MCPH1: variants seen among roughly 807,000 people sequenced by gnomAD.
MCPH1 encodes the protein microcephalin 1.
A neutral mutation model predicts 84.5 loss-of-function variants in MCPH1; 104 were observed. The observed-to-expected ratio is 1.23, with a 90% CI of 1.05 to 1.45. The LOEUF (loss-of-function observed/expected upper bound fraction) is 1.45, where lower values mean the gene tolerates loss of function less well. MCPH1 is among the 40% of genes most tolerant of loss of function. MCPH1 has a pLI of 0.00. For missense variants in MCPH1, 1,498 were observed against 1,005.7 expected, an observed-to-expected ratio of 1.49 and a Z score of -6.62; for synonymous variants, 514 against 366.8, an observed-to-expected ratio of 1.40 and a Z score of -4.58.
intron 1 of MCPH1, among the ~76,000 whole-genome samples, chr8:6,408,080 A>G (rs1315892807): frequency 6.6e-6 from 1 of 152,264 alleles, no homozygotes; most frequent in Non-Finnish European, 1.5e-5. Context: ...CTTTACAGAA[A>G]ATAGGTTTCT....
intron 12 of MCPH1, among the ~76,000 whole-genome samples, chr8:6,513,327 T>C (rs140001678): frequency 0.093 from 14,049 of 151,872 alleles, 1,091 homozygotes; most frequent in African/African-American, 0.21. Context: ...TTTTTTCTTT[T>C]TCTTTTTCTT....
At chr8:6,419,172 C>G (rs1270219005) in intron 3 of MCPH1, among the ~76,000 whole-genome samples, 2 of 37,782 alleles carry the variant, frequency 5.3e-5, no homozygotes, top group Non-Finnish European at 2.9e-4. Flanking sequence ...CACACACACA[C>G]ACACACACAC....
intron 12 of MCPH1, among the ~76,000 whole-genome samples, chr8:6,516,377 T>G (rs1816274346): frequency 6.6e-6 from 1 of 152,212 alleles, no homozygotes; most frequent in South Asian, 2.1e-4. Flanking sequence ...AGTTCGATTT[T>G]GATCAGTTAC....
intron 11 of MCPH1, among the ~76,000 whole-genome samples, chr8:6,496,348 G>A (rs542053228): frequency 1.3e-5 from 2 of 152,176 alleles, no homozygotes; most frequent in East Asian, 1.9e-4. Flanking sequence ...AAAGCAATGG[G>A]AAGTGGCTGT....
Position 6,615,392 on chromosome 8 carries a change from T to C in MCPH1, c.2215-6062T>C, listed in dbSNP as rs1163137196. ...ATTTTTGCATCCTCAGAACTTAGCCTGATACTCACAATGAAATGAGTTCAC... is the reference window on the plus strand; with the variant it reads ...ATTTTTGCATCCTCAGAACTTAGCCCGATACTCACAATGAAATGAGTTCAC... On this transcript the variant is annotated intron_variant, in intron 12 of 13. Transcript: ENST00000344683. Among the ~76,000 whole-genome samples the C allele has an allele frequency of 2.6e-5, 4 of 152,230 alleles. No homozygotes were observed. The East Asian group carries it at 7.7e-4, about 29-fold the overall frequency.
intron 12 of MCPH1, among the ~76,000 whole-genome samples, chr8:6,565,786 A>G (rs1370321282): frequency 3.3e-5 from 5 of 152,240 alleles, no homozygotes; most frequent in Non-Finnish European, 5.9e-5. Flanking sequence ...ATGTGGTAAG[A>G]GAGAGCAGTC....
chr8:6,640,640 G>A (rs1797882606), intron 13 of MCPH1, among the ~76,000 whole-genome samples: 1 of 152,040 alleles, frequency 6.6e-6, no homozygotes, highest in Admixed American at 6.5e-5. Context: ...CTGTGCTTAT[G>A]GTGTCTTAAG....
chr8:6,605,058 T>C (rs1829652694), intron 12 of MCPH1, among the ~76,000 whole-genome samples: 1 of 151,940 alleles, frequency 6.6e-6, no homozygotes, highest in South Asian at 2.1e-4. Context: ...GGACCCTATG[T>C]CCCTCCTTGT....
intron 12 of MCPH1, among the ~76,000 whole-genome samples, chr8:6,546,043 G>T (rs60625360): frequency 0.029 from 4,433 of 152,260 alleles, 244 homozygotes; most frequent in African/African-American, 0.1. Context: ...AAACACACCC[G>T]GTGTGAGTCC....
chr8:6,599,207 A>G (rs1451464776), intron 12 of MCPH1, among the ~76,000 whole-genome samples: 1 of 152,168 alleles, frequency 6.6e-6, no homozygotes, highest in Non-Finnish European at 1.5e-5. Flanking sequence ...GATTACCTAA[A>G]AGGAATGCCT....
intron 12 of MCPH1, among the ~76,000 whole-genome samples, chr8:6,594,402 A>T (rs1336686350): frequency 6.6e-6 from 1 of 152,166 alleles, no homozygotes; most frequent in Non-Finnish European, 1.5e-5. Context: ...TAGGACACAG[A>T]GGGCTTCCAC....
At chr8:6,431,651 C>G in intron 4 of MCPH1, 65 bp downstream of exon 4, 2 of 1,120,216 alleles carry the variant, frequency 1.8e-6, no homozygotes, top group Non-Finnish European at 2.7e-6. Flanking sequence ...TTTTTTATTT[C>G]TAGAAAATAA....
At chr8:6,541,005 G>C (rs1821451734) in intron 12 of MCPH1, among the ~76,000 whole-genome samples, 1 of 148,776 alleles carries the variant, frequency 6.7e-6, no homozygotes, top group South Asian at 2.2e-4. Context: ...TCATGACCCA[G>C]GTTTTGGAGC....
rs147138268 is a variant in MCPH1, at chr8:6,627,379, C to A, written c.2452+5688C>A. The A allele has an allele frequency of 8.7e-4, 710 of 816,694 alleles. 4 individuals carry two copies. The African/African-American group carries it at 0.012, about 14-fold the overall frequency. 50.6% of individuals were successfully genotyped at this position (816,694 alleles called of 1,614,324 possible). On this transcript the variant is annotated intron_variant, in intron 13 of 13. Coordinates refer to ENST00000344683, the MANE Select transcript of MCPH1 (RefSeq NM_024596.5). ...CCTTCCAGCCCCTCTCCTCCAAGGA[C>A]GGCCTCATTTTATCCCCACCCAGGT...
At chr8:6,418,911 T>C (rs1799718903) in intron 3 of MCPH1, among the ~76,000 whole-genome samples, 1 of 152,140 alleles carries the variant, frequency 6.6e-6, no homozygotes, top group Non-Finnish European at 1.5e-5. Flanking sequence ...ATGGCTTTAC[T>C]GTAATATGTT....
intron 10 of MCPH1, among the ~76,000 whole-genome samples, chr8:6,479,160 G>C (rs865857067): frequency 2.2e-4 from 34 of 152,058 alleles, no homozygotes; most frequent in Non-Finnish European, 2.1e-4. Flanking sequence ...CCAACTACTT[G>C]GGAGGATAAG....
At chr8:6,519,885 A>C (rs750217936) in intron 12 of MCPH1, 1 of 1,614,088 alleles carries the variant, frequency 6.2e-7, no homozygotes. Flanking sequence ...CTGTAGAATT[A>C]GGGAATGTTA....
Position 6,645,937 on chromosome 8 carries a change from T to C in MCPH1, c.*2888T>C, listed in dbSNP as rs548607951. The C allele has an allele frequency of 1.1e-4, 17 of 152,350 alleles. No individual in the cohort carries two copies. In the Middle Eastern group the frequency reaches 0.01, roughly 91 times the overall value. The allele number at this position is 152,350 out of a possible 1,614,324, so 9.4% of individuals were successfully genotyped here. On this transcript the variant is annotated 3_prime_UTR_variant, in exon 14 of 14. Coordinates refer to ENST00000344683, the MANE Select transcript of MCPH1 (RefSeq NM_024596.5). ...AGAAGATGCAATATTGTTAAGATGA[T>C]AGTCCTCAAATTGACGTATAGATTC...
rs141699473 is a variant in MCPH1, at chr8:6,419,335, C to G, written c.233+4452C>G. 1.8e-3 allele frequency among the ~76,000 whole-genome samples: 276 copies of G among 152,246 alleles called. 1 individual carries two copies. The highest frequency in any genetic ancestry group is 2.9e-3 in the Non-Finnish European group (196 of 68,020). On this transcript the variant is annotated intron_variant, in intron 3 of 13. Transcript: ENST00000344683. ...CTAAGGCTCAATCAGTCCTCTCACCCCAGCCCTCCCTAGTGGCTGGGACTG... is the reference window on the plus strand; with the variant it reads ...CTAAGGCTCAATCAGTCCTCTCACCGCAGCCCTCCCTAGTGGCTGGGACTG...
Sources: allele counts gnomAD v4.1 joint callset (sites outside exome capture counted in the v4.1 genomes callset), GRCh38; gene constraint gnomAD v4.1.1; transcripts MANE v1.5; gene names NCBI Gene and HGNC (gene_info 2026-07-23, HGNC 2026-07-21).